Variants in PTPRU observed in about 807,000 individuals in gnomAD.
PTPRU encodes receptor-type tyrosine-protein phosphatase U.
PTPRU carries 69 observed loss-of-function variants against 166.3 expected under a neutral mutation model. That is an observed-to-expected ratio of 0.41 (90% CI 0.34 to 0.51). The LOEUF is 0.51. Among genes scored for constraint, PTPRU ranks in the 20% least tolerant of loss-of-function variants. The pLI, the probability that PTPRU is intolerant of heterozygous loss-of-function variation, is 0.09. For synonymous variants in PTPRU, 793 were observed against 814.0 expected, an observed-to-expected ratio of 0.97 and a Z score of 0.44; for missense variants, 1,657 against 2,013.7, an observed-to-expected ratio of 0.82 and a Z score of 3.39.
chr1:29,283,421 GCTC>G lies in PTPRU; in HGVS notation c.2142+478_2142+480del, dbSNP rs555500753. Among the ~76,000 whole-genome samples the G allele has an allele frequency of 1.3e-3, 190 of 151,614 alleles. 1 individual carries two copies. The highest frequency in any genetic ancestry group is 4.3e-3 in the African/African-American group (177 of 41,280). On this transcript the variant is annotated intron_variant, in intron 12 of 29. Transcript: ENST00000373779. ...CCCCTTCCTGAGCCTTCTTTCTCAG[GCTC>G]CTCCTTTCTATCCAGGTCCCCAGTC...
chr1:29,260,113 GCTCTGCCCGGGGGCGTGGCCGT>G lies in PTPRU; in HGVS notation c.850+70_850+91del. 3.0e-6 allele frequency: 4 copies of G among 1,320,484 alleles called. No individual in the cohort carries two copies. The highest frequency in any genetic ancestry group is 1.6e-5 in the African/African-American group (1 of 64,210). The allele number at this position is 1,320,484 out of a possible 1,614,324, so 81.8% of individuals were successfully genotyped here. A position where few individuals can be genotyped will look rare whatever the true frequency, so the allele number is the denominator to read the frequency against. ...GGGGCGGGGCCGGCGACGGGGGCGG[GCTCTGCCCGGGGGCGTGGCCGT>G]GGGGGGTGGGGCCGGCAGGGTGTCG... On this transcript the variant is annotated intron_variant, in intron 6 of 29. Coordinates refer to ENST00000373779, the MANE Select transcript of PTPRU (RefSeq NM_133178.4). This position sits in a 1 kb window ranked among gnomAD's most constrained non-coding sequence, Gnocchi z 8.3.
Position 29,320,993 on chromosome 1 carries a change from G to T in PTPRU, c.3828+168G>T, listed in dbSNP as rs578256767. 1.3e-5 allele frequency among the ~76,000 whole-genome samples: 2 copies of T among 152,282 alleles called. No homozygotes were observed. Among genetic ancestry groups the T allele is most frequent in the South Asian group, 4.1e-4 (2 of 4,826 alleles). ...CTCAGTTTCTTCATCTGTAAAACAA[G>T]GGTGTCAGATGGGAGATCACTAGTT... On this transcript the variant is annotated intron_variant, in intron 26 of 29. Transcript: ENST00000373779. The surrounding 1 kb of genome is among the most constrained non-coding windows in gnomAD (Gnocchi z 5.2).
At chr1:29,323,846 T>C in intron 28 of PTPRU, 58 bp downstream of exon 28, 1 of 1,587,556 alleles carries the variant, frequency 6.3e-7, no homozygotes, top group South Asian at 1.1e-5. Flanking sequence ...GGGGCAGAGG[T>C]CCAGTCTGAA....
intron 7 of PTPRU, among the ~76,000 whole-genome samples, chr1:29,267,498 A>G (rs1685355971): frequency 6.6e-6 from 1 of 152,118 alleles, no homozygotes. Context: ...GAAGGAGGTG[A>G]GGGACTGAGC....
chr1:29,304,787 G>C lies in PTPRU; in HGVS notation c.2681G>C (p.Gly894Ala). 1.2e-6 allele frequency: 2 copies of C among 1,611,840 alleles called. No homozygotes were observed. The highest frequency in any genetic ancestry group is 8.5e-7 in the Non-Finnish European group (1 of 1,178,330). ...TCTTTCTGGTAGAGCTTCTTTGAAG[G>C]CTGGGACGCCACAAAGAAGAAAGAC... ...FKQEYESFFE[G>A]WDATKKKDKV... Residue 894 changes from glycine to alanine, a missense_variant, in exon 17 of 30, where the codon GGC (glycine) becomes GCC (alanine). Physicochemically the swap from Gly to Ala is moderately conservative, Grantham distance 60. Transcript: ENST00000373779.
At position 29,280,692 on chromosome 1, in the gene PTPRU, G is replaced by A. The variant is rs1474943238; in HGVS notation, c.1868+551G>A. Among the ~76,000 whole-genome samples, 1 of 151,190 alleles carries A rather than the reference G, an allele frequency of 6.6e-6. No individual in the cohort carries two copies. Among genetic ancestry groups the A allele is most frequent in the African/African-American group, 2.4e-5 (1 of 40,824 alleles). ...GTGTGTGTGTGTGTATGTGGGATGT[G>A]AAACTGGGTGTGTCTTTGTGATAAA... On this transcript the variant is annotated intron_variant, in intron 11 of 29. Transcript: ENST00000373779. This position sits in a 1 kb window ranked among gnomAD's most constrained non-coding sequence, Gnocchi z 4.2.
chr1:29,297,404 C>A (rs1041231457), intron 15 of PTPRU, among the ~76,000 whole-genome samples: 1 of 152,106 alleles, frequency 6.6e-6, no homozygotes, highest in Admixed American at 6.6e-5. Context: ...GAAACAGAGG[C>A]TTGGAGAGGG....
At chr1:29,325,515 C>G in intron 29 of PTPRU, 84 bp from the exon 30 acceptor site, 1 of 1,518,386 alleles carries the variant, frequency 6.6e-7, no homozygotes, top group Admixed American at 1.7e-5. Context: ...CTCGTGCTTG[C>G]CCTCTCACTC....
At chr1:29,294,672 T>C (rs1474972631) in intron 15 of PTPRU, among the ~76,000 whole-genome samples, 2 of 152,234 alleles carry the variant, frequency 1.3e-5, no homozygotes, top group Non-Finnish European at 2.9e-5. Flanking sequence ...TTTTTTGCTT[T>C]TTTTCTAGAA....
chr1:29,283,134 C>G (rs1314411155), intron 12 of PTPRU, among the ~76,000 whole-genome samples, 185 bp downstream of exon 12: 2 of 148,658 alleles, frequency 1.3e-5, no homozygotes, highest in Non-Finnish European at 3.0e-5. Flanking sequence ...CCTCCTGTAG[C>G]CCCACCTCCC....
At chr1:29,243,421 G>A (rs542411295) in intron 1 of PTPRU, among the ~76,000 whole-genome samples, 6 of 152,306 alleles carry the variant, frequency 3.9e-5, no homozygotes, top group Admixed American at 2.0e-4. Context: ...CTGCCTATCC[G>A]CTGTCTGCTC....
At chr1:29,300,602 T>G (rs1687093451) in intron 15 of PTPRU, among the ~76,000 whole-genome samples, 2 of 152,252 alleles carry the variant, frequency 1.3e-5, no homozygotes, top group African/African-American at 4.8e-5. Context: ...ATTAAGGGTT[T>G]GGGCATCCCA....
intron 14 of PTPRU, among the ~76,000 whole-genome samples, chr1:29,290,848 G>A (rs1024211787): frequency 2.0e-5 from 3 of 152,212 alleles, no homozygotes; most frequent in South Asian, 2.1e-4. Context: ...TGTCCCTCCC[G>A]GGTTCCATCT....
intron 25 of PTPRU, among the ~76,000 whole-genome samples, chr1:29,319,167 T>C (rs1688035870): frequency 6.6e-6 from 1 of 152,074 alleles, no homozygotes; most frequent in Non-Finnish European, 1.5e-5. Context: ...CCGGGGGACA[T>C]CTGGCCTGCT....
In PTPRU at chr1:29,280,036, C is replaced by T. The variant is rs1189414370; in HGVS notation, c.1766-3C>T. ...CAGCTTGTGACCCTGTCCCCTTCTC[C>T]AGCTCCCAGCTTTGATTATGCCGAC... On this transcript the variant is annotated splice_polypyrimidine_tract_variant and splice_region_variant and intron_variant, in intron 10 of 29. Transcript: ENST00000373779. This position sits in a 1 kb window ranked among gnomAD's most constrained non-coding sequence, Gnocchi z 4.2. 1.9e-6 allele frequency: 3 copies of T among 1,611,996 alleles called. No homozygotes were observed. Among genetic ancestry groups the T allele is most frequent in the Non-Finnish European group, 2.5e-6 (3 of 1,178,506 alleles).
rs1046011566 is a variant in PTPRU, at chr1:29,237,767, C to T, written c.73+1050C>T. Among the ~76,000 whole-genome samples the T allele has an allele frequency of 1.4e-5, 2 of 147,660 alleles. No individual in the cohort carries two copies. Among genetic ancestry groups the T allele is most frequent in the Non-Finnish European group, 3.0e-5 (2 of 66,500 alleles). ...CTGATCCGAGGCGGCGCCGGGGCTG[C>T]GGGGCGCCCGGGCCAGCGGGCCCCA... On this transcript the variant is annotated intron_variant, in intron 1 of 29. Coordinates refer to ENST00000373779, the MANE Select transcript of PTPRU (RefSeq NM_133178.4). The surrounding 1 kb of genome is among the most constrained non-coding windows in gnomAD (Gnocchi z 6.4).
chr1:29,305,440 G>T lies in PTPRU; in HGVS notation c.2820+12G>T, dbSNP rs1394489272. On this transcript the variant is annotated intron_variant, in intron 18 of 29. Coordinates refer to ENST00000373779, the MANE Select transcript of PTPRU (RefSeq NM_133178.4). Reference sequence around the variant, plus strand: ...CCAACTACATAGATGTGAGTGCCTTGCCCTGTCATTTCTGCAGACCTGGCC... The same window carrying T: ...CCAACTACATAGATGTGAGTGCCTTTCCCTGTCATTTCTGCAGACCTGGCC... 1 of 1,612,472 alleles carries T rather than the reference G, an allele frequency of 6.2e-7. No homozygotes were observed. Among genetic ancestry groups the T allele is most frequent in the African/African-American group, 1.3e-5 (1 of 75,046 alleles).
intron 18 of PTPRU, 129 bp downstream of exon 18, chr1:29,305,557 T>C (rs1687354426): frequency 1.1e-6 from 1 of 939,272 alleles, no homozygotes; most frequent in Non-Finnish European, 1.7e-6. Context: ...CCCCTATCTC[T>C]GCAGTCAGTG....
At chr1:29,285,840 C>T (rs1402213030) in intron 14 of PTPRU, among the ~76,000 whole-genome samples, 1 of 152,196 alleles carries the variant, frequency 6.6e-6, no homozygotes, top group African/African-American at 2.4e-5. Context: ...ACCATGTTCC[C>T]CACCAGGCAG....
Sources: gnomAD v4.1 joint callset for allele counts (sites outside exome capture counted in the v4.1 genomes callset) on GRCh38, gnomAD v4.1.1 for gene constraint, Gnocchi (gnomAD v3.1) non-coding constraint, MANE v1.5 for transcripts, NCBI Gene and HGNC (gene_info 2026-07-23, HGNC 2026-07-21) for gene names.